Variants in PFKL observed in about 807,000 individuals in gnomAD.
PFKL encodes the protein phosphofructokinase, liver type.
Under a neutral mutation model 92.1 loss-of-function variants are expected in PFKL, and 74 were observed. The observed-to-expected ratio is 0.80, with a 90% confidence interval of 0.67 to 0.97. PFKL has a LOEUF of 0.97. Among genes scored for constraint, PFKL ranks in the 50% least tolerant of loss-of-function variants. PFKL has a pLI of 0.00. For missense variants in PFKL, 1,028 were observed against 1,116.6 expected (o/e 0.92, Z 1.13); for synonymous variants, 494 against 456.4 (o/e 1.08, Z -1.05).
intron 7 of PFKL, chr21:44,314,262 G>A: frequency 5.5e-6 from 3 of 544,090 alleles, no homozygotes; most frequent in East Asian, 3.1e-5. Context: ...GGCTGCCGCC[G>A]CCCCAGGCTC....
rs960973490 is a variant in PFKL at position 44,305,521 on chromosome 21, G to A, written c.86-1160G>A. 16 of 1,041,960 alleles carry A rather than the reference G, an allele frequency of 1.5e-5. No homozygotes were observed. The African/African-American group carries it at 2.5e-4, about 16-fold the overall frequency. 64.5% of individuals were successfully genotyped at this position (1,041,960 alleles called of 1,614,324 possible). A position where few individuals can be genotyped will look rare whatever the true frequency, so the allele number is the denominator to read the frequency against. On this transcript the variant is annotated intron_variant, in intron 1 of 21. Coordinates refer to ENST00000349048, the MANE Select transcript of PFKL (RefSeq NM_002626.6). Reference sequence around the variant, plus strand: ...GGACCCGCATGGCTTAGGGATGGATGGCATGGTATGGGTGCTGGGAGGGAG... The same window carrying A: ...GGACCCGCATGGCTTAGGGATGGATAGCATGGTATGGGTGCTGGGAGGGAG...
At position 44,300,168 on chromosome 21, in the gene PFKL, G is replaced by C. The variant is rs1189188513; in HGVS notation, c.63G>C (p.Leu21=). The stretch of plus-strand genomic sequence containing the variant: ...GCGCGGGCAAGGCCATCGGCGTCCT[G>C]ACCAGCGGCGGCGACGCGCAAGGTG... ...ASGAGKAIGV[L]TSGGDAQGMN... Residue 21 remains leucine, a synonymous_variant, in exon 1 of 22, where the codon CTG becomes CTC. Transcript: ENST00000349048. 21 of 1,165,660 alleles carry C rather than the reference G, an allele frequency of 1.8e-5. No individual in the cohort carries two copies. The highest frequency in any genetic ancestry group is 5.0e-5 in the African/African-American group (3 of 60,416). 72.2% of individuals were successfully genotyped at this position (1,165,660 alleles called of 1,614,324 possible).
chr21:44,322,156 C>T lies in PFKL; in HGVS notation c.1362C>T (p.Asp454=), dbSNP rs775730615. ...AGGTGCAAGAAGTAGGCTGGCACGA[C>T]GTGGCCGGCTGGTTGGGGCGTGGTG... ...KGQVQEVGWH[D]VAGWLGRGGS... is the part of the protein sequence containing the mutation. Residue 454 remains aspartate (D), a synonymous_variant, in exon 14 of 22, where the codon GAC becomes GAT. Coordinates refer to ENST00000349048, the MANE Select transcript of PFKL (RefSeq NM_002626.6). The T allele has an allele frequency of 1.2e-5, 19 of 1,606,090 alleles. No individual in the cohort carries two copies. The highest frequency in any genetic ancestry group is 4.5e-5 in the East Asian group (2 of 44,834).
intron 12 of PFKL, chr21:44,320,898 G>A (rs546237301): frequency 6.6e-6 from 1 of 152,420 alleles, no homozygotes; most frequent in Admixed American, 6.5e-5. Flanking sequence ...CTGCAGGCCG[G>A]GGCAGACAGC....
chr21:44,305,300 A>G (rs1253595932), intron 1 of PFKL: 1 of 1,362,748 alleles, frequency 7.3e-7, no homozygotes, highest in South Asian at 1.1e-5. Context: ...GCTGAGCCCC[A>G]CGCCAAGCTG....
intron 5 of PFKL, 65 bp downstream of exon 5, chr21:44,313,208 C>A: frequency 6.4e-7 from 1 of 1,553,080 alleles, no homozygotes; most frequent in Non-Finnish European, 8.8e-7. Context: ...GTGAGGTGGT[C>A]TCAGGGTGAC....
At chr21:44,305,895 C>T in intron 1 of PFKL, 1 of 1,364,828 alleles carries the variant, frequency 7.3e-7, no homozygotes. Context: ...AGGAAGTGAC[C>T]TCAGAGCCTG....
At position 44,311,041 on chromosome 21, in the gene PFKL, C is replaced by G. The variant is rs965138023; in HGVS notation, c.195C>G (p.Ile65Met). The G allele has an allele frequency of 6.2e-7, 1 of 1,613,078 alleles. No individual in the cohort carries two copies. The highest frequency in any genetic ancestry group is 8.5e-7 in the Non-Finnish European group (1 of 1,179,658). ...GCCTCGTGGAGGGAGGTGAGAACAT[C>G]AAGCAGGCCAACTGGCTGAGCGTCT... ...YEGLVEGGEN[I>M]KQANWLSVSN... The change falls in exon 3 of 22, where the codon ATC (isoleucine) becomes ATG (methionine). Residue 65 changes from isoleucine (I) to methionine (M), a missense_variant. By Grantham distance (10) the Ile-to-Met change is conservative (BLOSUM62 1). Transcript: ENST00000349048.
rs1602040815 is a variant in PFKL, at chr21:44,319,277, C to A, written c.1063-74C>A. 2.3e-6 allele frequency: 3 copies of A among 1,325,696 alleles called. No individual in the cohort carries two copies. In the East Asian group the frequency reaches 6.9e-5, roughly 31 times the overall value. The allele number at this position is 1,325,696 out of a possible 1,614,324, so 82.1% of individuals were successfully genotyped here. A position where few individuals can be genotyped will look rare whatever the true frequency, so the allele number is the denominator to read the frequency against. ...CGGCCAGATCTGCCCTCGTCAGGCC[C>A]ACCAGACAGGGCAGTAGCCATGGGT... On this transcript the variant is annotated intron_variant, in intron 10 of 21. Transcript: ENST00000349048.
chr21:44,316,940 G>A (rs1243456812), intron 9 of PFKL, among the ~76,000 whole-genome samples: 1 of 152,220 alleles, frequency 6.6e-6, no homozygotes, highest in African/African-American at 2.4e-5. Flanking sequence ...CGTGGCAGCA[G>A]TCAGGGCCAG....
In PFKL at chr21:44,325,156, C is replaced by A; in HGVS notation, c.1881C>A (p.Asn627Lys). The A allele has an allele frequency of 3.1e-6, 5 of 1,607,274 alleles. No individual in the cohort carries two copies. Among genetic ancestry groups the A allele is most frequent in the Non-Finnish European group, 4.3e-6 (5 of 1,174,510 alleles). ...TDIQRGLVLR[N>K]EKCHDYYTTE... Reference sequence around the variant, plus strand: ...CAGGCCCTGCTGCCCCTCTCAGGAACGAGAAGTGCCATGACTACTACACCA... The same window carrying A: ...CAGGCCCTGCTGCCCCTCTCAGGAAAGAGAAGTGCCATGACTACTACACCA... Residue 627 changes from asparagine to lysine, a missense_variant, in exon 19 of 22, where the codon AAC (asparagine) becomes AAA (lysine). Asn to Lys is a moderately conservative substitution (Grantham distance 94). Transcript: ENST00000349048.
At chr21:44,301,771 G>T (rs2040780333) in intron 1 of PFKL, among the ~76,000 whole-genome samples, 1 of 152,204 alleles carries the variant, frequency 6.6e-6, no homozygotes, top group Non-Finnish European at 1.5e-5. Flanking sequence ...GTGGTTCCCT[G>T]AAACACAGAG....
At position 44,319,425 on chromosome 21, in the gene PFKL, C is replaced by T. The variant is rs2145996801; in HGVS notation, c.1127+10C>T. The T allele has an allele frequency of 6.2e-7, 1 of 1,610,762 alleles. No homozygotes were observed. Among genetic ancestry groups the T allele is most frequent in the South Asian group, 1.1e-5 (1 of 91,024 alleles). On this transcript the variant is annotated intron_variant, in intron 11 of 21. Coordinates refer to ENST00000349048, the MANE Select transcript of PFKL (RefSeq NM_002626.6). Reference sequence around the variant, plus strand: ...CCCAGCTCCGTGGTGGGTAAGCCCCCTCAGCAGACCCCTGCACTCTTACAT... The same window carrying T: ...CCCAGCTCCGTGGTGGGTAAGCCCCTTCAGCAGACCCCTGCACTCTTACAT...
In PFKL at chr21:44,326,860, T is replaced by C; in HGVS notation, c.2341T>C (p.Ter781ArgextTer156). The change falls in exon 22 of 22, where the codon TGA becomes CGA. Residue 781 changes from the stop codon to arginine, a stop_lost. Coordinates refer to ENST00000349048, the MANE Select transcript of PFKL (RefSeq NM_002626.6). The part of the protein sequence containing the change: ...RRTLSMDKGF[*>R] ...CACCCTGAGCATGGACAAGGGCTTC[T>C]GAGGCCAGCCATGCCCACGCCCCTC... 6.2e-7 allele frequency: 1 copy of C among 1,606,972 alleles called. No individual in the cohort carries two copies. The highest frequency in any genetic ancestry group is 8.5e-7 in the Non-Finnish European group (1 of 1,177,432).
chr21:44,301,052 G>C (rs986532974), intron 1 of PFKL, among the ~76,000 whole-genome samples: 1 of 152,244 alleles, frequency 6.6e-6, no homozygotes, highest in Non-Finnish European at 1.5e-5. Context: ...GCTGTGCAGC[G>C]GGGTCTGGTC....
intron 13 of PFKL, 100 bp downstream of exon 13, chr21:44,321,975 AC>A: frequency 6.8e-7 from 1 of 1,466,284 alleles, no homozygotes; most frequent in Non-Finnish European, 9.2e-7. Flanking sequence ...GGAGGCTGAG[AC>A]CTGGGTCCGC....
intron 3 of PFKL, among the ~76,000 whole-genome samples, chr21:44,311,445 CAT>C (rs1360529398): frequency 1.3e-5 from 2 of 152,142 alleles, no homozygotes; most frequent in African/African-American, 4.8e-5. Context: ...CATGCAGACA[CAT>C]AAATACACAG....
chr21:44,300,301 C>T, intron 1 of PFKL, 111 bp downstream of exon 1: 1 of 354,362 alleles, frequency 2.8e-6, no homozygotes, highest in Non-Finnish European at 3.9e-6. Context: ...GCCGGCCCGG[C>T]CTCCCGCCCC....
chr21:44,316,931 G>A (rs537776146), intron 9 of PFKL, among the ~76,000 whole-genome samples: 42 of 152,314 alleles, frequency 2.8e-4, no homozygotes, highest in South Asian at 1.4e-3. Context: ...CCAGCCCAAC[G>A]TGGCAGCAGT....
Sources: gnomAD v4.1 joint callset for allele counts (sites outside exome capture counted in the v4.1 genomes callset) on GRCh38, gnomAD v4.1.1 for gene constraint, MANE v1.5 for transcripts, NCBI Gene and HGNC (gene_info 2026-07-23, HGNC 2026-07-21) for gene names.